Variants in TNR observed in about 807,000 individuals in gnomAD.
The protein encoded by TNR is tenascin R, also known as tenascin-R.
In TNR, 45 loss-of-function variants were observed where a neutral mutation model predicts 150.4. The observed-to-expected ratio is 0.30, with a 90% confidence interval of 0.24 to 0.38. The LOEUF is 0.38. Ranked by LOEUF, TNR falls within the 10% of genes least tolerant of loss-of-function variation. The pLI, the probability that TNR is intolerant of heterozygous loss-of-function variation, is 1.00. For missense variants in TNR, 1,544 were observed against 1,759.1 expected, an observed-to-expected ratio of 0.88 and a Z score of 2.19; for synonymous variants, 687 against 678.4, an observed-to-expected ratio of 1.01 and a Z score of -0.20.
At chr1:175,626,880 G>A (rs552178976) in intron 1 of TNR, among the ~76,000 whole-genome samples, 1 of 152,302 alleles carries the variant, frequency 6.6e-6, no homozygotes, top group South Asian at 2.1e-4. Flanking sequence ...GTGATAAAAG[G>A]CAGAAGAGAA....
In TNR at chr1:175,365,120, T is replaced by C; in HGVS notation, c.2477A>G (p.Lys826Arg). 6.2e-7 allele frequency: 1 copy of C among 1,614,116 alleles called. No homozygotes were observed. Among genetic ancestry groups the C allele is most frequent in the Non-Finnish European group, 8.5e-7 (1 of 1,180,010 alleles). ...EMMEVSLDAT[K>R]RHAVLMGLQP... ...CAGGCCCATCAGGACAGCATGCCTCTTGGTGGCATCCAGGGAGACCTCCAT... is the reference window on the plus strand; with the variant it reads ...CAGGCCCATCAGGACAGCATGCCTCCTGGTGGCATCCAGGGAGACCTCCAT... Residue 826 changes from lysine (K) to arginine (R), a missense_variant, in exon 12 of 23, where the codon AAG (lysine) becomes AGG (arginine). Lys to Arg is a conservative substitution (Grantham distance 26, BLOSUM62 2). Transcript: ENST00000367674.
chr1:175,615,961 A>G (rs1663760404), intron 1 of TNR, among the ~76,000 whole-genome samples: 1 of 152,240 alleles, frequency 6.6e-6, no homozygotes, highest in Non-Finnish European at 1.5e-5. Context: ...CAATACTGTA[A>G]TGTAGGTAGA....
At chr1:175,363,970 C>G in intron 12 of TNR, 143 bp from the exon 13 acceptor site, 1 of 1,021,444 alleles carries the variant, frequency 9.8e-7, no homozygotes, top group Non-Finnish European at 1.4e-6. Context: ...TATCTTAAAA[C>G]CATGGTCACG....
Position 175,324,519 on chromosome 1 carries a change from C to T in TNR, c.3794G>A (p.Gly1265Glu). The change falls in exon 22 of 23, where the codon GGG becomes GAG. Residue 1265 changes from glycine to glutamate, a missense_variant and splice_region_variant. Gly to Glu is a moderately conservative substitution (Grantham distance 98). This residue lies in a region of TNR where 290 missense variants were observed against 429.7 expected (regional missense o/e 0.67). Transcript: ENST00000367674. The stretch of plus-strand genomic sequence containing the variant: ...TCCTTGATGATAGCTGAGGGAGTCC[C>T]CTGCAAAAAAGATACATTCATTAGG... Reference protein sequence around the residue: ...LRIGSYNGTAGDSLSYHQGRP... With the variant: ...LRIGSYNGTAEDSLSYHQGRP... 1 of 1,607,920 alleles carries T rather than the reference C, an allele frequency of 6.2e-7. No homozygotes were observed. The highest frequency in any genetic ancestry group is 8.5e-7 in the Non-Finnish European group (1 of 1,178,112).
At position 175,494,063 on chromosome 1, in the gene TNR, C is replaced by A. The variant is rs139306629; in HGVS notation, c.-64+34206G>T. On this transcript the variant is annotated intron_variant, in intron 2 of 22. Coordinates refer to ENST00000367674, the MANE Select transcript of TNR (RefSeq NM_003285.3). Reference sequence around the variant, plus strand: ...TCTGACTCTATCCTGCATCCCGTTCCCATCTCTCTGGTCTGTGCCTCCTTT... The same window carrying A: ...TCTGACTCTATCCTGCATCCCGTTCACATCTCTCTGGTCTGTGCCTCCTTT... Among the ~76,000 whole-genome samples, 464 of 152,274 alleles carry A rather than the reference C, an allele frequency of 3.0e-3. 2 individuals are homozygous for A. The highest frequency in any genetic ancestry group is 5.6e-3 in the Non-Finnish European group (381 of 68,016).
At chr1:175,406,832 T>A in intron 2 of TNR, 55 bp from the exon 3 acceptor site, 1 of 1,359,538 alleles carries the variant, frequency 7.4e-7, no homozygotes, top group Non-Finnish European at 1.0e-6. Flanking sequence ...CTTGGCACCA[T>A]GGCTCTGCAC....
chr1:175,331,077 C>CTTT (rs61033216), intron 20 of TNR, among the ~76,000 whole-genome samples: 3,890 of 94,064 alleles, frequency 0.041, 667 homozygotes, highest in East Asian at 0.09. Flanking sequence ...TTCTTTCTTT[C>CTTT]CTTCTTTCTT....
chr1:175,396,470 G>A (rs949000030), intron 5 of TNR, 74 bp downstream of exon 5: 11 of 1,526,296 alleles, frequency 7.2e-6, no homozygotes, highest in African/African-American at 5.5e-5. Context: ...AAGAAAAGAC[G>A]CTACTATCAT....
rs150299332 is a variant in TNR, at chr1:175,588,594, G to A, written c.-164-60225C>T. Among the ~76,000 whole-genome samples, 261 of 152,026 alleles carry A rather than the reference G, an allele frequency of 1.7e-3. 4 individuals carry two copies. In the East Asian group the frequency reaches 0.042, roughly 24 times the overall value. The stretch of plus-strand genomic sequence containing the variant: ...TAAAATAAATCCTATACAGGTATCT[G>A]ATAATTAATCAAACACGGGCTGCTC... On this transcript the variant is annotated intron_variant, in intron 1 of 22. Transcript: ENST00000367674.
intron 2 of TNR, among the ~76,000 whole-genome samples, chr1:175,462,015 C>T (rs1248293539): frequency 1.3e-5 from 2 of 152,162 alleles, no homozygotes; most frequent in Non-Finnish European, 2.9e-5. Context: ...ATGTAATATG[C>T]CTATAATGTA....
intron 2 of TNR, among the ~76,000 whole-genome samples, chr1:175,461,177 C>T (rs986304603): frequency 2.6e-5 from 4 of 152,154 alleles, no homozygotes; most frequent in Non-Finnish European, 4.4e-5. Context: ...TGATTTTCAC[C>T]CTGCAGGGGT....
At chr1:175,615,898 T>G (rs1473138713) in intron 1 of TNR, among the ~76,000 whole-genome samples, 7 of 152,242 alleles carry the variant, frequency 4.6e-5, no homozygotes, top group African/African-American at 1.7e-4. Context: ...CTGAAGCCTG[T>G]GCTCAAAAGA....
At chr1:175,488,001 A>T (rs969441708) in intron 2 of TNR, among the ~76,000 whole-genome samples, 1 of 152,086 alleles carries the variant, frequency 6.6e-6, no homozygotes, top group Non-Finnish European at 1.5e-5. Flanking sequence ...GAGAGCATTG[A>T]GCTGTTTTCT....
intron 2 of TNR, among the ~76,000 whole-genome samples, chr1:175,503,804 A>G (rs1658839713): frequency 6.6e-6 from 1 of 152,232 alleles, no homozygotes; most frequent in Non-Finnish European, 1.5e-5. Context: ...GGGAGGAGAC[A>G]AAGAGGAAGA....
intron 18 of TNR, among the ~76,000 whole-genome samples, chr1:175,340,192 C>A (rs1340481224): frequency 1.3e-5 from 2 of 152,178 alleles, no homozygotes; most frequent in Admixed American, 1.3e-4. Flanking sequence ...TTTCTTCCTT[C>A]CAGGCCGGCA....
intron 1 of TNR, among the ~76,000 whole-genome samples, chr1:175,652,810 A>T (rs778431218): frequency 2.0e-4 from 30 of 152,336 alleles, no homozygotes; most frequent in Middle Eastern, 3.4e-3. Context: ...AGTCTCAGGT[A>T]GTTCTTTATA....
chr1:175,331,054 T>TTCC (rs1649790692), intron 20 of TNR, among the ~76,000 whole-genome samples: 1 of 105,728 alleles, frequency 9.5e-6, no homozygotes, highest in African/African-American at 3.9e-5. Context: ...TCTTTCTTTC[T>TTCC]TTCTTTCTTT....
intron 1 of TNR, among the ~76,000 whole-genome samples, chr1:175,546,297 C>G (rs1314862077): frequency 6.6e-6 from 1 of 152,110 alleles, no homozygotes; most frequent in African/African-American, 2.4e-5. Context: ...GCAACTTGGA[C>G]ATAAAGAGGC....
At chr1:175,714,105 T>C (rs1667090713) in intron 1 of TNR, among the ~76,000 whole-genome samples, 1 of 151,690 alleles carries the variant, frequency 6.6e-6, no homozygotes. Context: ...TTCACTCCAA[T>C]AGCTGCCCTC....
Sources: allele counts gnomAD v4.1 joint callset (sites outside exome capture counted in the v4.1 genomes callset), GRCh38; gene constraint gnomAD v4.1.1; regional missense constraint gnomAD v4.1.1; transcripts MANE v1.5; gene names NCBI Gene and HGNC (gene_info 2026-07-23, HGNC 2026-07-21).